The following CECR2 variants were observed in gnomAD, a reference collection of about 807,000 sequenced individuals.
The protein encoded by CECR2 is chromatin remodeling regulator CECR2.
A neutral mutation model predicts 154.5 loss-of-function variants in CECR2; 30 were observed. The ratio of observed to expected loss-of-function variants is 0.19; its 90% CI spans 0.15 to 0.26. The LOEUF (loss-of-function observed/expected upper bound fraction) is 0.26. Among genes scored for constraint, CECR2 ranks in the 10% least tolerant of loss-of-function variants. CECR2 has a pLI of 1.00. For synonymous variants in CECR2, 725 were observed against 683.7 expected, an observed-to-expected ratio of 1.06 and a Z score of -0.94; for missense variants, 1,743 against 1,829.3, an observed-to-expected ratio of 0.95 and a Z score of 0.86.
intron 1 of CECR2, among the ~76,000 whole-genome samples, chr22:17,413,898 C>T (rs575318363): frequency 1.8e-4 from 27 of 149,738 alleles, no homozygotes; most frequent in African/African-American, 5.6e-4. Flanking sequence ...AGGATGGTCT[C>T]GATCACCTGA....
intron 7 of CECR2, among the ~76,000 whole-genome samples, chr22:17,507,824 T>C (rs1046379915): frequency 2.6e-5 from 4 of 152,160 alleles, no homozygotes; most frequent in African/African-American, 9.7e-5. Context: ...CTCAATGAAG[T>C]CCTATTAACC....
intron 1 of CECR2, among the ~76,000 whole-genome samples, chr22:17,398,006 T>C (rs2053838235): frequency 6.6e-6 from 1 of 152,182 alleles, no homozygotes; most frequent in Non-Finnish European, 1.5e-5. Flanking sequence ...GCCTCTGTAC[T>C]CTTAGCTTGC....
chr22:17,450,297 A>C (rs2054747931), intron 1 of CECR2, among the ~76,000 whole-genome samples: 1 of 152,168 alleles, frequency 6.6e-6, no homozygotes, highest in South Asian at 2.1e-4. Flanking sequence ...TTTTAGATGG[A>C]GTCTCACTCT....
At chr22:17,467,940 T>C (rs936799807) in intron 1 of CECR2, among the ~76,000 whole-genome samples, 1 of 152,234 alleles carries the variant, frequency 6.6e-6, no homozygotes, top group Non-Finnish European at 1.5e-5. Flanking sequence ...AAATGTGTTC[T>C]GTTTTTGCAT....
intron 1 of CECR2, among the ~76,000 whole-genome samples, chr22:17,370,354 G>C (rs2063042622): frequency 6.7e-6 from 1 of 150,054 alleles, no homozygotes; most frequent in Non-Finnish European, 1.5e-5. Context: ...ACTCGGACCG[G>C]GGCGGGAGTC....
intron 1 of CECR2, among the ~76,000 whole-genome samples, chr22:17,434,486 G>GTAC (rs554221810): frequency 7.2e-4 from 109 of 152,316 alleles, no homozygotes; most frequent in African/African-American, 2.5e-3. Context: ...CATGGTGGCA[G>GTAC]TACAGTAGGC....
At chr22:17,432,194 G>A (rs1171550727) in intron 1 of CECR2, among the ~76,000 whole-genome samples, 1 of 152,044 alleles carries the variant, frequency 6.6e-6, no homozygotes, top group African/African-American at 2.4e-5. Context: ...GCCCACTCTG[G>A]ACATTTCCTG....
intron 1 of CECR2, among the ~76,000 whole-genome samples, chr22:17,381,565 A>T (rs997150395): frequency 1.1e-4 from 17 of 152,230 alleles, no homozygotes; most frequent in African/African-American, 3.9e-4. Context: ...AAATGTTTTT[A>T]AAAAAGGGAA....
chr22:17,423,329 A>T (rs980486985), intron 1 of CECR2, among the ~76,000 whole-genome samples: 4 of 151,964 alleles, frequency 2.6e-5, no homozygotes, highest in Admixed American at 1.3e-4. Flanking sequence ...GCTCTGATAA[A>T]ACCCTCTCTC....
At chr22:17,501,174 C>A (rs960285135) in intron 5 of CECR2, among the ~76,000 whole-genome samples, 1 of 152,160 alleles carries the variant, frequency 6.6e-6, no homozygotes, top group Non-Finnish European at 1.5e-5. Context: ...TCAGCTCTAT[C>A]ACTAAGCCTA....
chr22:17,411,176 T>C (rs571960023), intron 1 of CECR2, among the ~76,000 whole-genome samples: 1 of 152,310 alleles, frequency 6.6e-6, no homozygotes, highest in South Asian at 2.1e-4. Context: ...AGGCACAGGG[T>C]AATGTTTTTG....
At chr22:17,437,901 G>A (rs1228405302) in intron 1 of CECR2, among the ~76,000 whole-genome samples, 2 of 152,186 alleles carry the variant, frequency 1.3e-5, no homozygotes, top group East Asian at 3.8e-4. Flanking sequence ...GAATTTGAAA[G>A]ATGGATGTTA....
intron 1 of CECR2, among the ~76,000 whole-genome samples, chr22:17,376,880 C>T (rs542249243): frequency 1.3e-5 from 2 of 152,262 alleles, no homozygotes; most frequent in Non-Finnish European, 2.9e-5. Flanking sequence ...TCGTGATCCA[C>T]CCTCCTCGGC....
At chr22:17,435,852 G>A (rs2146650721) in intron 1 of CECR2, among the ~76,000 whole-genome samples, 1 of 152,236 alleles carries the variant, frequency 6.6e-6, no homozygotes, top group East Asian at 1.9e-4. Flanking sequence ...TAGATTTGGG[G>A]TCATAGCTAT....
rs112455024 is a variant in CECR2, at chr22:17,540,239, T to C, written c.1496-173T>C. ...ATCTTGCATCCATAGCTCTACAATA[T>C]AATGTGCCCTAAAGGTGAATTAAAC... On this transcript the variant is annotated intron_variant, in intron 13 of 18. Transcript: ENST00000262608. 2.7e-4 allele frequency among the ~76,000 whole-genome samples: 37 copies of C among 134,686 alleles called. 1 individual carries two copies. The highest frequency in any genetic ancestry group is 8.2e-4 in the African/African-American group (33 of 40,188). The allele number at this position is 134,686 out of a possible 152,430, so 88.4% of individuals were successfully genotyped here. A position where few individuals can be genotyped will look rare whatever the true frequency, so the allele number is the denominator to read the frequency against.
rs747018979 is a variant in CECR2 at position 17,542,165 on chromosome 22, T to C, written c.2022T>C (p.Val674=). The C allele has an allele frequency of 5.0e-6, 8 of 1,608,858 alleles. No individual in the cohort carries two copies. The South Asian group carries it at 8.8e-5, about 18-fold the overall frequency. Residue 674 remains valine, a synonymous_variant, in exon 16 of 19, where the codon GTT becomes GTC. Coordinates refer to ENST00000262608, the MANE Select transcript of CECR2 (RefSeq NM_001290047.2). ...QRQPFTMQPP[V]GINSLRGPRL... The stretch of plus-strand genomic sequence containing the variant: ...CCTTTTCTCGTTGCCAGCCTCCAGT[T>C]GGAATTAACAGCCTCCGAGGACCCA...
At position 17,540,522 on chromosome 22, in the gene CECR2, G is replaced by A; in HGVS notation, c.1606G>A (p.Glu536Lys). ...TDEEFWIRED[E>K]KREKRRSRAG... ...TGAAGAATTTTGGATTCGAGAGGAT[G>A]AAAAGCGGGAGAAAAGACGGAGTCG... Residue 536 changes from glutamate to lysine, a missense_variant, in exon 14 of 19, where the codon GAA (glutamate) becomes AAA (lysine). Around this residue, in one of 4 missense-constraint regions of CECR2, gnomAD observed 103 missense variants for 166.8 expected, o/e 0.62. Transcript: ENST00000262608. The A allele has an allele frequency of 6.2e-7, 1 of 1,612,110 alleles. No homozygotes were observed. Among genetic ancestry groups the A allele is most frequent in the Non-Finnish European group, 8.5e-7 (1 of 1,178,828 alleles).
At chr22:17,387,740 G>A (rs1357672449) in intron 1 of CECR2, among the ~76,000 whole-genome samples, 1 of 152,104 alleles carries the variant, frequency 6.6e-6, no homozygotes, top group African/African-American at 2.4e-5. Flanking sequence ...ATCACAGCAC[G>A]CCATGATTTC....
At chr22:17,491,561 C>G (rs1273010455) in intron 2 of CECR2, among the ~76,000 whole-genome samples, 3 of 112,806 alleles carry the variant, frequency 2.7e-5, no homozygotes, top group Non-Finnish European at 3.5e-5. Flanking sequence ...CTATTGGCTT[C>G]TTATTCTGTG....
Sources: allele counts gnomAD v4.1 joint callset (sites outside exome capture counted in the v4.1 genomes callset), GRCh38; gene constraint gnomAD v4.1.1; regional missense constraint gnomAD v4.1.1; transcripts MANE v1.5; gene names NCBI Gene and HGNC (gene_info 2026-07-23, HGNC 2026-07-21).